ADAM33: variants seen among roughly 807,000 people sequenced by gnomAD.
The protein encoded by ADAM33 is ADAM metallopeptidase domain 33.
ADAM33 carries 103 observed loss-of-function variants against 106.2 expected under a neutral mutation model. That is an observed-to-expected ratio of 0.97 (90% CI 0.83 to 1.14). ADAM33 has a LOEUF of 1.14. Among genes scored for constraint, ADAM33 ranks in the 50% most tolerant of loss-of-function variants. The pLI is 0.00. For missense variants in ADAM33, 1,120 were observed against 1,096.6 expected, an observed-to-expected ratio of 1.02 and a Z score of -0.30; for synonymous variants, 483 against 453.0, an observed-to-expected ratio of 1.07 and a Z score of -0.84.
Position 3,675,118 on chromosome 20 carries a change from G to T in ADAM33, c.255-13C>A, listed in dbSNP as rs547624286. ...GGCCAGCAGCCTGCTGAGAGGGGGT[G>T]TTACAGGGAACACTGAATTCAGCTT... On this transcript the variant is annotated splice_polypyrimidine_tract_variant and intron_variant, in intron 3 of 21. Coordinates refer to ENST00000356518, the MANE Select transcript of ADAM33 (RefSeq NM_025220.5). This position sits in a 1 kb window ranked among gnomAD's most constrained non-coding sequence, Gnocchi z 4.1. The T allele has an allele frequency of 3.1e-6, 5 of 1,599,970 alleles. No individual in the cohort carries two copies. In the South Asian group the frequency reaches 5.6e-5, roughly 18 times the overall value.
At position 3,671,298 on chromosome 20, in the gene ADAM33, T is replaced by G. The variant is rs760575238; in HGVS notation, c.2031A>C (p.Pro677=). The G allele has an allele frequency of 1.2e-6, 2 of 1,613,422 alleles. No individual in the cohort carries two copies. The highest frequency in any genetic ancestry group is 8.5e-7 in the Non-Finnish European group (1 of 1,179,922). ...HNCHCAPGWA[P]PFCDKPGFGG... is the part of the protein sequence containing the mutation. ...CAAAGCCTGGCTTGTCACAGAAGGGTGGAGCCCAGCCTGGAGCACAGTGGC... is the reference window on the plus strand; with the variant it reads ...CAAAGCCTGGCTTGTCACAGAAGGGGGGAGCCCAGCCTGGAGCACAGTGGC... Residue 677 remains proline, a synonymous_variant, in exon 18 of 22, where the codon CCA becomes CCC. Coordinates refer to ENST00000356518, the MANE Select transcript of ADAM33 (RefSeq NM_025220.5).
In ADAM33 at chr20:3,674,059, C is replaced by G. The variant is rs777216106; in HGVS notation, c.738+5G>C. On this transcript the variant is annotated splice_donor_5th_base_variant and intron_variant, in intron 8 of 21. Coordinates refer to ENST00000356518, the MANE Select transcript of ADAM33 (RefSeq NM_025220.5). ...CATCACCGCTCTCTCCCCGCCGCCC[C>G]CAACCTGGTCCACGTAGTTGGCGAC... 3 of 1,614,144 alleles carry G rather than the reference C, an allele frequency of 1.9e-6. No individual in the cohort carries two copies. Among genetic ancestry groups the G allele is most frequent in the Non-Finnish European group, 2.5e-6 (3 of 1,180,016 alleles).
intron 3 of ADAM33, 100 bp downstream of exon 3, chr20:3,676,967 G>A: frequency 7.8e-7 from 1 of 1,276,066 alleles, no homozygotes; most frequent in African/African-American, 1.5e-5. Flanking sequence ...CACCCTCTCT[G>A]GGGTCCTCTG....
In ADAM33 at chr20:3,669,014, G is replaced by C; in HGVS notation, c.2405-14C>G. 6.2e-7 allele frequency: 1 copy of C among 1,613,946 alleles called. No homozygotes were observed. The highest frequency in any genetic ancestry group is 8.5e-7 in the Non-Finnish European group (1 of 1,179,928). ...GGACTTGATCTGCTGAGAATGAGGA[G>C]GATATGTTGTCCCCTAAGGACTGGG... On this transcript the variant is annotated splice_polypyrimidine_tract_variant and intron_variant, in intron 21 of 21. Coordinates refer to ENST00000356518, the MANE Select transcript of ADAM33 (RefSeq NM_025220.5).
At chr20:3,670,687 A>G in intron 19 of ADAM33, 2 of 343,788 alleles carry the variant, frequency 5.8e-6, no homozygotes, top group Non-Finnish European at 1.1e-5. Context: ...CTGCAATCTG[A>G]GCCAGGGAAA....
At chr20:3,678,131 T>C (rs983784849) in intron 2 of ADAM33, among the ~76,000 whole-genome samples, 7 of 152,362 alleles carry the variant, frequency 4.6e-5, no homozygotes, top group East Asian at 1.9e-4. Context: ...ACTTGCTTTA[T>C]TGGGGAAAGG....
chr20:3,673,239 T>C lies in ADAM33; in HGVS notation c.1133+115A>G, dbSNP rs73608188. ...ATAAACCACCCTGAAGCGGACACTA[T>C]GATCATTATCCCCATTTTACAGAAG... On this transcript the variant is annotated intron_variant, in intron 11 of 21. Transcript: ENST00000356518. 6 of 1,533,734 alleles carry C rather than the reference T, an allele frequency of 3.9e-6. No homozygotes were observed. The African/African-American group carries it at 6.9e-5, about 18-fold the overall frequency.
chr20:3,681,095 A>G (rs2088453023), intron 1 of ADAM33, among the ~76,000 whole-genome samples: 1 of 152,088 alleles, frequency 6.6e-6, no homozygotes, highest in Non-Finnish European at 1.5e-5. Flanking sequence ...AGTGCTGTGG[A>G]AGCCACCGCC....
At position 3,675,152 on chromosome 20, in the gene ADAM33, C is replaced by A; in HGVS notation, c.255-47G>T. The A allele has an allele frequency of 6.9e-7, 1 of 1,457,288 alleles. No individual in the cohort carries two copies. Among genetic ancestry groups the A allele is most frequent in the Admixed American group, 1.8e-5 (1 of 55,836 alleles). The allele number at this position is 1,457,288 out of a possible 1,614,324, so 90.3% of individuals were successfully genotyped here. ...AACACTGAATTCAGCTTCCTCCTGCCTCCTCCAGGATGTCTCCCAGCCTTC... is the reference window on the plus strand; with the variant it reads ...AACACTGAATTCAGCTTCCTCCTGCATCCTCCAGGATGTCTCCCAGCCTTC... On this transcript the variant is annotated intron_variant, in intron 3 of 21. Transcript: ENST00000356518. The surrounding 1 kb of genome is among the most constrained non-coding windows in gnomAD (Gnocchi z 4.1).
At position 3,674,273 on chromosome 20, in the gene ADAM33, T is replaced by C. The variant is rs750828605; in HGVS notation, c.612A>G (p.Glu204=). 1.2e-5 allele frequency: 19 copies of C among 1,613,684 alleles called. No individual in the cohort carries two copies. The highest frequency in any genetic ancestry group is 3.3e-4 in the Middle Eastern group (2 of 6,080). ...PGGPQSRGRR[E]ARRTRKYLEL... Reference sequence around the variant, plus strand: ...CCAGGTACTTCCGGGTCCTGCGCGCTTCTCGCCTGCCCTGCGGAGGTGCAA... The same window carrying C: ...CCAGGTACTTCCGGGTCCTGCGCGCCTCTCGCCTGCCCTGCGGAGGTGCAA... The change falls in exon 7 of 22, where the codon GAA becomes GAG. Residue 204 remains glutamate, a synonymous_variant. Coordinates refer to ENST00000356518, the MANE Select transcript of ADAM33 (RefSeq NM_025220.5).
Position 3,671,770 on chromosome 20 carries a change from CAG to C in ADAM33, c.1714_1715del (p.Leu572ValfsTer62). On this transcript the variant is annotated frameshift_variant, in exon 16 of 22. Transcript: ENST00000356518. LOFTEE classifies it high-confidence loss of function. Reference sequence around the variant, plus strand: ...CACCCTGGCACTGCAGCTTCCCACACAGGGCATCCCTGGGGAGGAAGTAGAGG... The same window carrying C: ...CACCCTGGCACTGCAGCTTCCCACACGGCATCCCTGGGGAGGAAGTAGAGG... ...HFLPCAGRDA[L>X]CGKLQCQGGK... 6.4e-7 allele frequency: 1 copy of C among 1,563,936 alleles called. No homozygotes were observed. Among genetic ancestry groups the C allele is most frequent in the Non-Finnish European group, 8.7e-7 (1 of 1,153,862 alleles).
rs781634258 is a variant in ADAM33, at chr20:3,672,221, C to T, written c.1510G>A (p.Gly504Ser). 3 of 1,613,452 alleles carry T rather than the reference C, an allele frequency of 1.9e-6. No homozygotes were observed. Among genetic ancestry groups the T allele is most frequent in the Admixed American group, 3.3e-5 (2 of 60,034 alleles). Reference protein sequence around the residue: ...HCPPDVYLLDGSPCARGSGYC... With the variant: ...HCPPDVYLLDSSPCARGSGYC... The stretch of plus-strand genomic sequence containing the variant: ...CCACTGCCCCTGGCACAGGGTGAGC[C>T]GTCCAGTAGGTAAACGTCTGGGGGA... Residue 504 changes from glycine to serine, a missense_variant, in exon 14 of 22, where the codon GGC becomes AGC. By Grantham distance (56) the Gly-to-Ser change is moderately conservative. Coordinates refer to ENST00000356518, the MANE Select transcript of ADAM33 (RefSeq NM_025220.5).
At chr20:3,681,817 CGCGCTGACCCGA>C in intron 1 of ADAM33, 79 bp downstream of exon 1, 1 of 1,476,746 alleles carries the variant, frequency 6.8e-7, no homozygotes, top group East Asian at 2.7e-5. Context: ...AGACCCTCCG[CGCGCTGACCCGA>C]GCTCTGAGCA....
At chr20:3,672,406 G>C (rs1205568938) in intron 13 of ADAM33, 77 bp from the exon 14 acceptor site, 3 of 1,576,194 alleles carry the variant, frequency 1.9e-6, no homozygotes, top group Middle Eastern at 1.7e-4. Flanking sequence ...AGCGCGGCTC[G>C]GAGCTGGGGG....
At chr20:3,681,844 C>A in intron 1 of ADAM33, 64 bp downstream of exon 1, 3 of 1,557,428 alleles carry the variant, frequency 1.9e-6, no homozygotes, top group East Asian at 2.4e-5. Flanking sequence ...TGAGCAGAAC[C>A]CATCCCCGCC....
chr20:3,669,115 C>T lies in ADAM33; in HGVS notation c.2405-115G>A, dbSNP rs906378245. 2.4e-5 allele frequency: 32 copies of T among 1,335,308 alleles called. No individual in the cohort carries two copies. The South Asian group carries it at 3.7e-4, about 15-fold the overall frequency. The allele number at this position is 1,335,308 out of a possible 1,614,324, so 82.7% of individuals were successfully genotyped here. ...ACCAGTGATCCAGGAAAAGCCACAG[C>T]TTCTCCCTCCCCAGCCCAGGGGCTT... On this transcript the variant is annotated intron_variant, in intron 21 of 21. Transcript: ENST00000356518.
rs1414703499 is a variant in ADAM33, at chr20:3,674,712, G to C, written c.411-19C>G. 5 of 1,598,092 alleles carry C rather than the reference G, an allele frequency of 3.1e-6. No individual in the cohort carries two copies. Among genetic ancestry groups the C allele is most frequent in the Middle Eastern group, 3.4e-4 (2 of 5,966 alleles). ...CAGGCCACTAGGGTGCAGAGGGGTA[G>C]GAGCGGGTGTGAGGGAGCTCTTTCC... On this transcript the variant is annotated intron_variant, in intron 5 of 21. Transcript: ENST00000356518.
rs531918678 is a variant in ADAM33, at chr20:3,673,306, C to T, written c.1133+48G>A. 197 of 1,535,058 alleles carry T rather than the reference C, an allele frequency of 1.3e-4. No homozygotes were observed. The African/African-American group carries it at 2.5e-3, about 20-fold the overall frequency. On this transcript the variant is annotated intron_variant, in intron 11 of 21. Transcript: ENST00000356518. ...ACCAAAGAAACGCAGCGGAGGAAGT[C>T]CCCAGGACTAGCCGCCCCGCCGCAG...
chr20:3,677,959 C>T (rs191568493), intron 2 of ADAM33, among the ~76,000 whole-genome samples: 135 of 152,332 alleles, frequency 8.9e-4, no homozygotes, highest in Middle Eastern at 6.8e-3. Context: ...GTTTAACCCC[C>T]GACTCCTTTT....
Sources: gnomAD v4.1 joint callset for allele counts (sites outside exome capture counted in the v4.1 genomes callset) on GRCh38, gnomAD v4.1.1 for gene constraint, Gnocchi (gnomAD v3.1) non-coding constraint, MANE v1.5 for transcripts, NCBI Gene and HGNC (gene_info 2026-07-23, HGNC 2026-07-21) for gene names.